MYO1D: variants seen among roughly 807,000 people sequenced by gnomAD.
MYO1D encodes myosin ID.
MYO1D carries 83 observed loss-of-function variants against 122.0 expected under a neutral mutation model. That is an observed-to-expected ratio of 0.68 (90% CI 0.57 to 0.82). The LOEUF (loss-of-function observed/expected upper bound fraction) is 0.82, where lower values mean the gene tolerates loss of function less well. Ranked by LOEUF, MYO1D falls within the 40% of genes least tolerant of loss-of-function variation. The pLI is 0.00. For missense variants in MYO1D, 1,157 were observed against 1,269.5 expected (o/e 0.91, Z 1.35); for synonymous variants, 464 against 446.9 (o/e 1.04, Z -0.48).
At chr17:32,810,696 C>T (rs1466133203) in intron 1 of MYO1D, among the ~76,000 whole-genome samples, 4 of 152,042 alleles carry the variant, frequency 2.6e-5, no homozygotes, top group South Asian at 2.1e-4. Context: ...AGGCTGGTTT[C>T]GAACTCCTGA....
At chr17:32,764,664 C>A (rs1299801836) in intron 8 of MYO1D, among the ~76,000 whole-genome samples, 1 of 152,192 alleles carries the variant, frequency 6.6e-6, no homozygotes, top group African/African-American at 2.4e-5. Context: ...AGCGCCACCC[C>A]CAGTCAGCTT....
At chr17:32,543,650 G>A (rs1414880109) in intron 21 of MYO1D, among the ~76,000 whole-genome samples, 1 of 152,186 alleles carries the variant, frequency 6.6e-6, no homozygotes, top group Non-Finnish European at 1.5e-5. Context: ...GGGCTGCCAT[G>A]CTGTACTACT....
chr17:32,504,011 G>A (rs183373225), intron 21 of MYO1D, among the ~76,000 whole-genome samples: 7 of 152,234 alleles, frequency 4.6e-5, no homozygotes, highest in African/African-American at 1.7e-4. Context: ...GAGTGGTGGC[G>A]TGGTGCTTCC....
chr17:32,822,055 C>T lies in MYO1D; in HGVS notation c.96-41271G>A, dbSNP rs554398166. On this transcript the variant is annotated intron_variant, in intron 1 of 21. Coordinates refer to ENST00000318217, the MANE Select transcript of MYO1D (RefSeq NM_015194.3). ...ACCAAAAGGATTATAAATCATGCTG[C>T]TATAAAGACACATGCACACATATGT... Among the ~76,000 whole-genome samples the T allele has an allele frequency of 2.0e-5, 3 of 152,250 alleles. No individual in the cohort carries two copies. The South Asian group carries it at 6.2e-4, about 32-fold the overall frequency.
chr17:32,825,136 T>C (rs1043947038), intron 1 of MYO1D, among the ~76,000 whole-genome samples: 2 of 152,222 alleles, frequency 1.3e-5, no homozygotes, highest in Non-Finnish European at 2.9e-5. Context: ...AATGTGATAT[T>C]AGAAATAGTC....
At chr17:32,676,917 T>TCTCCTGCCTCAGC (rs1381099601) in intron 16 of MYO1D, among the ~76,000 whole-genome samples, 1 of 152,002 alleles carries the variant, frequency 6.6e-6, no homozygotes, top group African/African-American at 2.4e-5. Flanking sequence ...TTCACGCCAT[T>TCTCCTGCCTCAGC]CTCCTGCCTC....
At chr17:32,827,519 G>C (rs2090733357) in intron 1 of MYO1D, among the ~76,000 whole-genome samples, 1 of 152,144 alleles carries the variant, frequency 6.6e-6, no homozygotes, top group African/African-American at 2.4e-5. Context: ...TAATGCTACA[G>C]AAATACTGAA....
chr17:32,631,099 C>T (rs2087999610), intron 20 of MYO1D, among the ~76,000 whole-genome samples: 1 of 152,094 alleles, frequency 6.6e-6, no homozygotes, highest in African/African-American at 2.4e-5. Flanking sequence ...GGTTTGGACT[C>T]TGATATATAA....
At position 32,763,716 on chromosome 17, in the gene MYO1D, C is replaced by T. The variant is rs2090025889; in HGVS notation, c.1035+1162G>A. Reference sequence around the variant, plus strand: ...AGGTAGATCGCTTGAGGTCAGGAGTCCGAGACCAGCCTGGTCAACATGGTG... The same window carrying T: ...AGGTAGATCGCTTGAGGTCAGGAGTTCGAGACCAGCCTGGTCAACATGGTG... On this transcript the variant is annotated intron_variant, in intron 8 of 21. Coordinates refer to ENST00000318217, the MANE Select transcript of MYO1D (RefSeq NM_015194.3). Among the ~76,000 whole-genome samples, 3 of 152,020 alleles carry T rather than the reference C, an allele frequency of 2.0e-5. No individual in the cohort carries two copies. In the South Asian group the frequency reaches 6.2e-4, roughly 31 times the overall value.
chr17:32,650,237 T>TA (rs1209878783), intron 19 of MYO1D, among the ~76,000 whole-genome samples: 1 of 152,250 alleles, frequency 6.6e-6, no homozygotes, highest in Admixed American at 6.5e-5. Flanking sequence ...ACCAGTACTT[T>TA]AAAGATGTTG....
chr17:32,778,384 C>A (rs2151027668), intron 3 of MYO1D, 96 bp downstream of exon 3: 1 of 1,159,396 alleles, frequency 8.6e-7, no homozygotes, highest in Admixed American at 1.8e-5. Flanking sequence ...TAGGTTTAGA[C>A]CCCCAAAATG....
chr17:32,863,550 T>G (rs2091096020), intron 1 of MYO1D, among the ~76,000 whole-genome samples: 1 of 152,238 alleles, frequency 6.6e-6, no homozygotes, highest in African/African-American at 2.4e-5. Flanking sequence ...CGATAGAAAC[T>G]GAACCATATA....
chr17:32,520,559 T>G (rs1295046748), intron 21 of MYO1D, among the ~76,000 whole-genome samples: 2 of 152,232 alleles, frequency 1.3e-5, no homozygotes, highest in African/African-American at 4.8e-5. Context: ...TAGAGAGGCA[T>G]GTCGATGAAT....
chr17:32,557,205 G>A (rs1317855526), intron 21 of MYO1D, among the ~76,000 whole-genome samples: 1 of 151,120 alleles, frequency 6.6e-6, no homozygotes, highest in Non-Finnish European at 1.5e-5. Flanking sequence ...TGCAACCTCT[G>A]CCTTCCGGTT....
chr17:32,598,380 G>GA (rs916479988), intron 21 of MYO1D, among the ~76,000 whole-genome samples: 3 of 150,500 alleles, frequency 2.0e-5, no homozygotes, highest in African/African-American at 4.9e-5. Flanking sequence ...TTTCAAAAAA[G>GA]AAAAAAAAAG....
At chr17:32,722,693 T>C (rs2089526169) in intron 14 of MYO1D, among the ~76,000 whole-genome samples, 1 of 152,206 alleles carries the variant, frequency 6.6e-6, no homozygotes, top group Non-Finnish European at 1.5e-5. Context: ...ATCATGTTCA[T>C]AGGTTCTGGG....
chr17:32,545,293 A>C (rs1346659885), intron 21 of MYO1D, among the ~76,000 whole-genome samples: 2 of 152,246 alleles, frequency 1.3e-5, no homozygotes, highest in Non-Finnish European at 2.9e-5. Context: ...AGCAATGCTC[A>C]TCTCATGGGG....
chr17:32,788,221 C>G (rs114015733), intron 1 of MYO1D, among the ~76,000 whole-genome samples: 2 of 152,088 alleles, frequency 1.3e-5, no homozygotes, highest in Non-Finnish European at 2.9e-5. Context: ...ACCATAGCTA[C>G]GCCAATATCT....
intron 1 of MYO1D, among the ~76,000 whole-genome samples, chr17:32,820,750 T>C (rs546735834): frequency 2.0e-5 from 3 of 152,320 alleles, no homozygotes; most frequent in South Asian, 4.1e-4. Context: ...AGAGTAACTA[T>C]ATAAGGTGAT....
Sources: gnomAD v4.1 joint callset for allele counts (sites outside exome capture counted in the v4.1 genomes callset) on GRCh38, gnomAD v4.1.1 for gene constraint, MANE v1.5 for transcripts, NCBI Gene and HGNC (gene_info 2026-07-23, HGNC 2026-07-21) for gene names.